Variants in EGFLAM observed in about 807,000 individuals in gnomAD.
EGFLAM encodes the protein pikachurin.
In EGFLAM, 79 loss-of-function variants were observed where a neutral mutation model predicts 113.1. That is an observed-to-expected ratio of 0.70 (90% CI 0.58 to 0.84). The LOEUF (loss-of-function observed/expected upper bound fraction) is 0.84, where lower values mean the gene tolerates loss of function less well. EGFLAM is among the 40% of genes least tolerant of loss of function. EGFLAM has a pLI of 0.00. For missense variants in EGFLAM, 1,265 were observed against 1,291.6 expected (o/e 0.98, Z 0.32); for synonymous variants, 504 against 487.6 (o/e 1.03, Z -0.44).
At chr5:38,369,877 C>G (rs1740159289) in intron 5 of EGFLAM, among the ~76,000 whole-genome samples, 1 of 152,182 alleles carries the variant, frequency 6.6e-6, no homozygotes, top group Admixed American at 6.5e-5. Context: ...CCCTATAAAA[C>G]TTATATTTAT....
At chr5:38,422,716 C>CA (rs753848071) in intron 12 of EGFLAM, among the ~76,000 whole-genome samples, 47 of 152,068 alleles carry the variant, frequency 3.1e-4, no homozygotes, top group Non-Finnish European at 5.7e-4. Flanking sequence ...AATGATACTT[C>CA]AAAAAATGTG....
chr5:38,334,446 G>A (rs1468744085), intron 1 of EGFLAM, among the ~76,000 whole-genome samples: 1 of 152,042 alleles, frequency 6.6e-6, no homozygotes, highest in Non-Finnish European at 1.5e-5. Flanking sequence ...AGAAGGGGAG[G>A]GGGAGCTCTC....
intron 1 of EGFLAM, among the ~76,000 whole-genome samples, chr5:38,263,254 G>A (rs1204449534): frequency 1.3e-5 from 2 of 152,204 alleles, no homozygotes; most frequent in Non-Finnish European, 2.9e-5. Flanking sequence ...TTGAAGCCAG[G>A]CGTTTGAGAC....
chr5:38,355,325 T>C (rs1739737759), intron 5 of EGFLAM, among the ~76,000 whole-genome samples: 1 of 152,148 alleles, frequency 6.6e-6, no homozygotes, highest in Non-Finnish European at 1.5e-5. Context: ...CCTGAGGGTA[T>C]AACTCCTCCA....
intron 6 of EGFLAM, among the ~76,000 whole-genome samples, chr5:38,378,680 G>A (rs1236207635): frequency 6.6e-6 from 1 of 152,168 alleles, no homozygotes; most frequent in Non-Finnish European, 1.5e-5. Context: ...CCAAGCATCT[G>A]TACCTTTGAA....
At chr5:38,274,035 A>T (rs1007852542) in intron 1 of EGFLAM, among the ~76,000 whole-genome samples, 4 of 152,256 alleles carry the variant, frequency 2.6e-5, no homozygotes, top group Non-Finnish European at 4.4e-5. Context: ...ATATTAAAAA[A>T]TCAAATATTA....
intron 15 of EGFLAM, among the ~76,000 whole-genome samples, chr5:38,434,159 C>T (rs1052263587): frequency 2.0e-5 from 3 of 152,184 alleles, no homozygotes; most frequent in Non-Finnish European, 4.4e-5. Flanking sequence ...GCTCTGGCCC[C>T]CTCTCGCCTG....
chr5:38,358,974 T>C (rs1228532943), intron 5 of EGFLAM, among the ~76,000 whole-genome samples: 2 of 152,150 alleles, frequency 1.3e-5, no homozygotes, highest in Admixed American at 6.5e-5. Flanking sequence ...CACTAAAAAT[T>C]TCTTTGGGGG....
intron 1 of EGFLAM, among the ~76,000 whole-genome samples, chr5:38,273,302 C>T (rs1336808750): frequency 6.6e-6 from 1 of 152,186 alleles, no homozygotes; most frequent in African/African-American, 2.4e-5. Context: ...CAGGCTGATA[C>T]CCACAGACAT....
chr5:38,457,948 G>A (rs76882534), intron 19 of EGFLAM, among the ~76,000 whole-genome samples: 3,369 of 152,136 alleles, frequency 0.022, 137 homozygotes, highest in African/African-American at 0.078. Flanking sequence ...AGGGGCTGGG[G>A]GGAGGGAAGA....
chr5:38,388,771 A>C (rs10473097), intron 6 of EGFLAM, among the ~76,000 whole-genome samples: 30,308 of 149,806 alleles, frequency 0.2, 3,296 homozygotes, highest in Non-Finnish European at 0.2. Flanking sequence ...AAAAAAAAAA[A>C]AAAAAAGTTA....
At chr5:38,330,904 A>G (rs1739023386) in intron 1 of EGFLAM, among the ~76,000 whole-genome samples, 2 of 152,214 alleles carry the variant, frequency 1.3e-5, no homozygotes, top group African/African-American at 4.8e-5. Context: ...GGAAGCAAAC[A>G]TAAAACTACC....
In EGFLAM at chr5:38,463,873, A is replaced by G. The variant is rs752944612; in HGVS notation, c.2917A>G (p.Met973Val). ...TGCTCTGCACACTAACAGGCAATAT[A>G]TGAGAGGGCTCGTGGGCTGTATCTC... ...EIALHTNRQY[M>V]RGLVGCISHF... Residue 973 changes from methionine to valine, a missense_variant, in exon 22 of 22, where the codon ATG becomes GTG. By Grantham distance (21) the Met-to-Val change is conservative. Transcript: ENST00000322350. The G allele has an allele frequency of 2.5e-6, 4 of 1,614,206 alleles. No individual in the cohort carries two copies. Among genetic ancestry groups the G allele is most frequent in the Non-Finnish European group, 8.5e-7 (1 of 1,180,032 alleles).
At chr5:38,437,651 G>A (rs942679936) in intron 16 of EGFLAM, among the ~76,000 whole-genome samples, 4 of 152,140 alleles carry the variant, frequency 2.6e-5, no homozygotes, top group African/African-American at 7.2e-5. Context: ...TTAAGAGCCC[G>A]CCAGGTGGTT....
intron 6 of EGFLAM, among the ~76,000 whole-genome samples, chr5:38,391,587 TG>T (rs1740813138): frequency 1.3e-5 from 2 of 151,308 alleles, no homozygotes; most frequent in Non-Finnish European, 1.5e-5. Context: ...TTAGTAGAGA[TG>T]GGGTTTCACC....
At chr5:38,309,940 G>A (rs1480450574) in intron 1 of EGFLAM, among the ~76,000 whole-genome samples, 1 of 152,182 alleles carries the variant, frequency 6.6e-6, no homozygotes, top group African/African-American at 2.4e-5. Flanking sequence ...TGTAATGCCA[G>A]ACGATGGCAT....
At chr5:38,412,465 T>G (rs1163208474) in intron 10 of EGFLAM, 39 bp from the exon 11 acceptor site, 8 of 1,613,892 alleles carry the variant, frequency 5.0e-6, no homozygotes, top group Non-Finnish European at 6.8e-6. Context: ...AATGGCCTGG[T>G]TCGTCAAGAA....
chr5:38,338,744 T>C lies in EGFLAM; in HGVS notation c.254T>C (p.Leu85Ser), dbSNP rs1374082387. The C allele has an allele frequency of 2.5e-6, 4 of 1,614,164 alleles. No individual in the cohort carries two copies. The highest frequency in any genetic ancestry group is 8.5e-7 in the Non-Finnish European group (1 of 1,180,048). ...GCAGATAAATCCCTGCAGGAGCAGT[T>C]GCACAGCGTGCCTCTCAGCCGGGAC... ...VGADKSLQEQ[L>S]HSVPLSRDIP... The change falls in exon 3 of 22, where the codon TTG becomes TCG. Residue 85 changes from leucine (L) to serine (S), a missense_variant. By Grantham distance (145) the Leu-to-Ser change is moderately radical. Transcript: ENST00000322350.
intron 1 of EGFLAM, among the ~76,000 whole-genome samples, chr5:38,309,444 C>G (rs910573093): frequency 6.6e-6 from 1 of 152,192 alleles, no homozygotes; most frequent in Admixed American, 6.5e-5. Flanking sequence ...TATTTAAGCC[C>G]ATCACTAGCA....
Sources: allele counts gnomAD v4.1 joint callset (sites outside exome capture counted in the v4.1 genomes callset), GRCh38; gene constraint gnomAD v4.1.1; transcripts MANE v1.5; gene names NCBI Gene and HGNC (gene_info 2026-07-23, HGNC 2026-07-21).